ST8SIA2: variants seen among roughly 807,000 people sequenced by gnomAD.
ST8SIA2 encodes ST8 alpha-N-acetyl-neuraminide alpha-2,8-sialyltransferase 2, also known as alpha-2,8-sialyltransferase 8B.
ST8SIA2 carries 22 observed loss-of-function variants against 37.6 expected under a neutral mutation model. The observed-to-expected ratio is 0.58, with a 90% CI of 0.42 to 0.83. The LOEUF is 0.83. Among genes scored for constraint, ST8SIA2 ranks in the 40% least tolerant of loss-of-function variants. The probability of loss-of-function intolerance (pLI) is 0.00; values close to 1 mark genes in which losing one functional copy is unlikely to be tolerated. For synonymous variants in ST8SIA2, 205 were observed against 201.2 expected, an observed-to-expected ratio of 1.02 and a Z score of -0.16; for missense variants, 382 against 484.7, an observed-to-expected ratio of 0.79 and a Z score of 1.99.
intron 1 of ST8SIA2, among the ~76,000 whole-genome samples, chr15:92,396,491 TTTTTTC>T (rs991500022): frequency 2.0e-5 from 3 of 151,876 alleles, no homozygotes; most frequent in African/African-American, 7.2e-5. Flanking sequence ...TGTCTTTTCT[TTTTTTC>T]TTTTTCTTTT....
chr15:92,442,431 G>T (rs1219011603), intron 4 of ST8SIA2, among the ~76,000 whole-genome samples: 2 of 152,056 alleles, frequency 1.3e-5, no homozygotes, highest in Non-Finnish European at 2.9e-5. Flanking sequence ...TTCACCCCTC[G>T]TGAGCCGCCA....
At chr15:92,442,141 A>T (rs963122898) in intron 4 of ST8SIA2, among the ~76,000 whole-genome samples, 2 of 152,250 alleles carry the variant, frequency 1.3e-5, no homozygotes, top group Non-Finnish European at 2.9e-5. Flanking sequence ...GAAGGAAGAC[A>T]TCTAGACAGT....
chr15:92,449,544 G>C (rs548517076), intron 5 of ST8SIA2, among the ~76,000 whole-genome samples: 47 of 152,264 alleles, frequency 3.1e-4, no homozygotes, highest in African/African-American at 1.0e-3. Context: ...ATTGCTGGGT[G>C]GAATAGTAGT....
At chr15:92,429,727 G>C (rs886081392) in intron 1 of ST8SIA2, among the ~76,000 whole-genome samples, 1 of 152,238 alleles carries the variant, frequency 6.6e-6, no homozygotes, top group Admixed American at 6.5e-5. Context: ...ATGCTATCCT[G>C]TGGGATTCAC....
intron 4 of ST8SIA2, among the ~76,000 whole-genome samples, chr15:92,442,238 T>A (rs2049808627): frequency 6.6e-6 from 1 of 152,172 alleles, no homozygotes; most frequent in Admixed American, 6.5e-5. Context: ...CATCCCTGCC[T>A]GCCTCTTCTT....
intron 1 of ST8SIA2, among the ~76,000 whole-genome samples, chr15:92,412,098 G>A (rs900606597): frequency 6.6e-6 from 1 of 152,160 alleles, no homozygotes; most frequent in Non-Finnish European, 1.5e-5. Flanking sequence ...TTGGAATTGT[G>A]GGGTGAAGCG....
chr15:92,409,339 C>CGCAT (rs2049532777), intron 1 of ST8SIA2, among the ~76,000 whole-genome samples: 1 of 152,142 alleles, frequency 6.6e-6, no homozygotes, highest in South Asian at 2.1e-4. Context: ...TTGAAGCTCA[C>CGCAT]GCATTTGGGA....
intron 1 of ST8SIA2, among the ~76,000 whole-genome samples, chr15:92,419,750 TCAAC>T (rs2049618011): frequency 6.6e-6 from 1 of 152,218 alleles, no homozygotes; most frequent in African/African-American, 2.4e-5. Flanking sequence ...TAGGTCCAGT[TCAAC>T]CAACAGCATA....
chr15:92,394,188 C>G, intron 1 of ST8SIA2, 26 bp downstream of exon 1: 1 of 1,528,756 alleles, frequency 6.5e-7, no homozygotes, highest in Non-Finnish European at 8.9e-7. Flanking sequence ...CAGGCCCGTG[C>G]CACGAGCCCT....
intron 1 of ST8SIA2, among the ~76,000 whole-genome samples, chr15:92,423,398 G>C (rs1235945639): frequency 6.6e-6 from 1 of 152,236 alleles, no homozygotes. Flanking sequence ...TCCAGCCTGG[G>C]CTATGGAGCA....
At chr15:92,419,247 G>C (rs1313322132) in intron 1 of ST8SIA2, among the ~76,000 whole-genome samples, 2 of 152,300 alleles carry the variant, frequency 1.3e-5, no homozygotes, top group East Asian at 3.9e-4. Context: ...ACACAAACCA[G>C]GCAGGCTCAG....
intron 1 of ST8SIA2, among the ~76,000 whole-genome samples, chr15:92,405,854 C>T (rs946210255): frequency 6.6e-6 from 1 of 152,146 alleles, no homozygotes; most frequent in African/African-American, 2.4e-5. Context: ...GCTGCCCTGC[C>T]CATCTAAGTT....
chr15:92,432,507 A>G (rs2049723074), intron 2 of ST8SIA2, among the ~76,000 whole-genome samples: 1 of 152,220 alleles, frequency 6.6e-6, no homozygotes, highest in Middle Eastern at 3.2e-3. Context: ...TCTGTGGCTC[A>G]GAGAAGTAAA....
intron 1 of ST8SIA2, among the ~76,000 whole-genome samples, chr15:92,400,735 C>T (rs983474533): frequency 2.6e-5 from 4 of 152,126 alleles, no homozygotes; most frequent in African/African-American, 9.7e-5. Flanking sequence ...CCACTGCCCA[C>T]AGTGCTGCTG....
chr15:92,409,981 A>G (rs1413631630), intron 1 of ST8SIA2, among the ~76,000 whole-genome samples: 1 of 152,206 alleles, frequency 6.6e-6, no homozygotes, highest in East Asian at 1.9e-4. Flanking sequence ...TTGTGTAATG[A>G]CGAGGAATGT....
chr15:92,447,811 C>T (rs910489699), intron 5 of ST8SIA2, among the ~76,000 whole-genome samples: 3 of 152,324 alleles, frequency 2.0e-5, no homozygotes, highest in Non-Finnish European at 1.5e-5. Flanking sequence ...GGGCTACATA[C>T]TTTATCCTAG....
rs113077184 is a variant in ST8SIA2 at position 92,401,872 on chromosome 15, A to C, written c.98+7710A>C. On this transcript the variant is annotated intron_variant, in intron 1 of 5. Coordinates refer to ENST00000268164, the MANE Select transcript of ST8SIA2 (RefSeq NM_006011.4). ...GAACCCCTAGGTCAGTGGTTCCCAA[A>C]TAGTGAGCCACAGAGGAGTGGTGAT... Among the ~76,000 whole-genome samples, 6 of 151,982 alleles carry C rather than the reference A, an allele frequency of 3.9e-5. No individual in the cohort carries two copies. The East Asian group carries it at 1.2e-3, about 29-fold the overall frequency.
At chr15:92,394,345 G>A (rs2049413502) in intron 1 of ST8SIA2, among the ~76,000 whole-genome samples, 183 bp downstream of exon 1, 1 of 152,132 alleles carries the variant, frequency 6.6e-6, no homozygotes, top group African/African-American at 2.4e-5. Context: ...GGAGAGGAGG[G>A]TGGGGGCGCG....
chr15:92,462,582 T>C (rs1415519740), intron 5 of ST8SIA2, among the ~76,000 whole-genome samples: 1 of 152,254 alleles, frequency 6.6e-6, no homozygotes, highest in African/African-American at 2.4e-5. Context: ...GACATGTCTT[T>C]ACTTCTGGCC....
Sources: gnomAD v4.1 joint callset for allele counts (sites outside exome capture counted in the v4.1 genomes callset) on GRCh38, gnomAD v4.1.1 for gene constraint, MANE v1.5 for transcripts, NCBI Gene and HGNC (gene_info 2026-07-23, HGNC 2026-07-21) for gene names.